HADHA: variants seen among roughly 807,000 people sequenced by gnomAD.
HADHA encodes trifunctional enzyme subunit alpha, mitochondrial.
HADHA carries 59 observed loss-of-function variants against 91.3 expected under a neutral mutation model. That is an observed-to-expected ratio of 0.65 (90% CI 0.52 to 0.80). The LOEUF (loss-of-function observed/expected upper bound fraction) is 0.80, where lower values mean the gene tolerates loss of function less well. HADHA is among the 30% of genes least tolerant of loss of function. HADHA has a pLI of 0.00. For missense variants in HADHA, 800 were observed against 927.6 expected, an observed-to-expected ratio of 0.86 and a Z score of 1.79; for synonymous variants, 320 against 338.9, an observed-to-expected ratio of 0.94 and a Z score of 0.61.
intron 5 of HADHA, 51 bp downstream of exon 5, chr2:26,234,166 A>G: frequency 6.4e-7 from 1 of 1,553,782 alleles, no homozygotes; most frequent in Non-Finnish European, 8.9e-7. Context: ...ACAGCTGATG[A>G]ATGCCACCAA....
At chr2:26,233,408 C>T (rs1484676991) in intron 5 of HADHA, among the ~76,000 whole-genome samples, 1 of 152,226 alleles carries the variant, frequency 6.6e-6, no homozygotes, top group Admixed American at 6.5e-5. Flanking sequence ...TAAATGACTG[C>T]ATATGTGAAA....
rs758107197 is a variant in HADHA at position 26,234,239 on chromosome 2, G to T, written c.431C>A (p.Ser144Tyr). Residue 144 changes from serine (S) to tyrosine (Y), a missense_variant, in exon 5 of 20, where the codon TCC (serine) becomes TAC (tyrosine). By Grantham distance (144) the Ser-to-Tyr change is moderately radical. Coordinates refer to ENST00000380649, the MANE Select transcript of HADHA (RefSeq NM_000182.5). ...TKPIVAAING[S>Y]CLGGGLEVAI... The stretch of plus-strand genomic sequence containing the variant: ...TACCTCAAGTCCTCCTCCCAGGCAG[G>T]ATCCATTGATGGCAGCCACAATAGG... The T allele has an allele frequency of 6.2e-7, 1 of 1,613,928 alleles. No homozygotes were observed. Among genetic ancestry groups the T allele is most frequent in the Admixed American group, 1.7e-5 (1 of 60,022 alleles).
chr2:26,210,033 T>C lies in HADHA; in HGVS notation c.976-144A>G, dbSNP rs534968331. On this transcript the variant is annotated intron_variant, in intron 10 of 19. Transcript: ENST00000380649. This position sits in a 1 kb window ranked among gnomAD's most constrained non-coding sequence, Gnocchi z 4.0. ...GATGCGGGGGAGTTTGGGGGTTCAG[T>C]GCTGCAGAAGTCTGTCTCTCACTGA... The C allele has an allele frequency of 1.4e-6, 1 of 698,438 alleles. No homozygotes were observed. The highest frequency in any genetic ancestry group is 1.5e-5 in the South Asian group (1 of 66,460). The allele number at this position is 698,438 out of a possible 1,614,324, so 43.3% of individuals were successfully genotyped here.
chr2:26,197,541 C>T lies in HADHA; in HGVS notation c.1479+150G>A. The T allele has an allele frequency of 5.8e-6, 4 of 685,040 alleles. No homozygotes were observed. The South Asian group carries it at 6.0e-5, about 10-fold the overall frequency. The allele number at this position is 685,040 out of a possible 1,614,324, so 42.4% of individuals were successfully genotyped here. A position where few individuals can be genotyped will look rare whatever the true frequency, so the allele number is the denominator to read the frequency against. On this transcript the variant is annotated intron_variant, in intron 14 of 19. Transcript: ENST00000380649. Reference sequence around the variant, plus strand: ...ACTTACTCCTGCATCTCACACTAGTCATGGTATTAGCATTTATTGTGTCCA... The same window carrying T: ...ACTTACTCCTGCATCTCACACTAGTTATGGTATTAGCATTTATTGTGTCCA...
chr2:26,222,600 G>C (rs940687589), intron 7 of HADHA, among the ~76,000 whole-genome samples: 4 of 152,134 alleles, frequency 2.6e-5, no homozygotes, highest in African/African-American at 9.7e-5. Flanking sequence ...TGGTGGGTGT[G>C]GAGGTTATGC....
At position 26,236,858 on chromosome 2, in the gene HADHA, A is replaced by G. The variant is rs1670773549; in HGVS notation, c.311T>C (p.Ile104Thr). 5.6e-6 allele frequency: 9 copies of G among 1,610,928 alleles called. No individual in the cohort carries two copies. The highest frequency in any genetic ancestry group is 4.5e-5 in the East Asian group (2 of 44,890). ...KPGCFIAGAD[I>T]NMLAACKTLQ... is the part of the protein sequence containing the mutation. Reference sequence around the variant, plus strand: ...CTTCAAGTTTCCTAAAACTTACTTGATATCAGCACCTGCAATAAAGCAGCC... The same window carrying G: ...CTTCAAGTTTCCTAAAACTTACTTGGTATCAGCACCTGCAATAAAGCAGCC... The change falls in exon 4 of 20, where the codon ATC becomes ACC. Residue 104 changes from isoleucine (I) to threonine (T), a missense_variant. By Grantham distance (89) the Ile-to-Thr change is moderately conservative. Transcript: ENST00000380649.
At chr2:26,241,645 C>T (rs949691994) in intron 1 of HADHA, among the ~76,000 whole-genome samples, 6 of 151,264 alleles carry the variant, frequency 4.0e-5, no homozygotes, top group African/African-American at 1.5e-4. Context: ...AGTGAGACTC[C>T]GTCTCCAAAA....
chr2:26,232,072 C>A, intron 6 of HADHA, 88 bp downstream of exon 6: 1 of 917,302 alleles, frequency 1.1e-6, no homozygotes, highest in Non-Finnish European at 1.8e-6. Context: ...TTTTTTAATT[C>A]TACAATGAAT....
At chr2:26,239,062 A>T (rs752901510) in intron 2 of HADHA, 40 bp downstream of exon 2, 2 of 1,571,084 alleles carry the variant, frequency 1.3e-6, no homozygotes, top group South Asian at 2.2e-5. Context: ...AAATCCAAAA[A>T]GCAATGTAAG....
chr2:26,231,100 T>A (rs1670610832), intron 6 of HADHA, among the ~76,000 whole-genome samples: 1 of 151,274 alleles, frequency 6.6e-6, no homozygotes, highest in Admixed American at 6.6e-5. Context: ...AGCTATAGTT[T>A]AAGAAAAAAA....
intron 10 of HADHA, chr2:26,212,302 G>T (rs1670120107): frequency 4.5e-6 from 2 of 449,270 alleles, no homozygotes; most frequent in Non-Finnish European, 8.2e-6. Flanking sequence ...GCACATGCTG[G>T]TCTTGAACTC....
chr2:26,193,126 G>A (rs79247845), intron 17 of HADHA, among the ~76,000 whole-genome samples: 2,079 of 152,028 alleles, frequency 0.014, 40 homozygotes, highest in African/African-American at 0.046. Context: ...GGTAAAGCCC[G>A]GATGCAGAGC....
chr2:26,231,785 G>A (rs1670629269), intron 6 of HADHA, among the ~76,000 whole-genome samples: 1 of 151,860 alleles, frequency 6.6e-6, no homozygotes, highest in South Asian at 2.1e-4. Flanking sequence ...TGGCCAACAT[G>A]GCGAAACTCC....
intron 15 of HADHA, 47 bp downstream of exon 15, chr2:26,195,042 CTTA>C (rs755702610): frequency 6.2e-6 from 9 of 1,450,390 alleles, no homozygotes; most frequent in East Asian, 2.3e-5. Context: ...TAAAAGGAGT[CTTA>C]TTAGAACTTT....
At position 26,244,533 on chromosome 2, in the gene HADHA, G is replaced by A. The variant is rs1300516636; in HGVS notation, c.64C>T (p.Arg22Ter). ...GATGCCCTCGGCCAGGCCTCACCTC[G>A]GGAGCGGAGGATCCTGAAGGCAGAA... Reference protein sequence around the residue: ...RFSAFRILRSRGYICRNFTGS... With the variant: ...RFSAFRILRS Residue 22 changes from arginine to a stop codon, truncating the protein, a stop_gained, in exon 1 of 20, where the codon CGA (arginine) becomes TGA (stop). Coordinates refer to ENST00000380649, the MANE Select transcript of HADHA (RefSeq NM_000182.5). LOFTEE classifies it high-confidence loss of function. 1 of 1,579,722 alleles carries A rather than the reference G, an allele frequency of 6.3e-7. No individual in the cohort carries two copies. Among genetic ancestry groups the A allele is most frequent in the African/African-American group, 1.3e-5 (1 of 74,244 alleles).
chr2:26,195,358 G>T, intron 14 of HADHA, 126 bp from the exon 15 acceptor site: 1 of 859,492 alleles, frequency 1.2e-6, no homozygotes, highest in Non-Finnish European at 2.0e-6. Flanking sequence ...GCTTGACATA[G>T]CTGAGTGGTT....
rs371979389 is a variant in HADHA at position 26,191,708 on chromosome 2, C to T, written c.2001-80G>A. Reference sequence around the variant, plus strand: ...AGAGCCGCAGATGCAGAATGGAAGTCGGGATGGGTGCATGGGGAGCTCTGT... The same window carrying T: ...AGAGCCGCAGATGCAGAATGGAAGTTGGGATGGGTGCATGGGGAGCTCTGT... On this transcript the variant is annotated intron_variant, in intron 18 of 19. Coordinates refer to ENST00000380649, the MANE Select transcript of HADHA (RefSeq NM_000182.5). The T allele has an allele frequency of 7.3e-5, 105 of 1,444,524 alleles. No homozygotes were observed. In the African/African-American group the frequency reaches 7.5e-4, roughly 10 times the overall value. The allele number at this position is 1,444,524 out of a possible 1,614,324, so 89.5% of individuals were successfully genotyped here. A position where few individuals can be genotyped will look rare whatever the true frequency, so the allele number is the denominator to read the frequency against.
chr2:26,218,534 AAAG>A (rs1670294508), intron 7 of HADHA, among the ~76,000 whole-genome samples: 1 of 152,208 alleles, frequency 6.6e-6, no homozygotes, highest in African/African-American at 2.4e-5. Flanking sequence ...CAACTATAAA[AAAG>A]ATCTTTTCTA....
intron 5 of HADHA, 57 bp downstream of exon 5, chr2:26,234,160 C>G (rs1670691648): frequency 2.0e-6 from 3 of 1,521,282 alleles, no homozygotes; most frequent in Non-Finnish European, 1.8e-6. Context: ...GGGTTTACAG[C>G]TGATGAATGC....
Sources: allele counts gnomAD v4.1 joint callset (sites outside exome capture counted in the v4.1 genomes callset), GRCh38; gene constraint gnomAD v4.1.1; non-coding constraint Gnocchi (gnomAD v3.1); transcripts MANE v1.5; gene names NCBI Gene and HGNC (gene_info 2026-07-23, HGNC 2026-07-21).